The following UBE2R2 variants were observed in gnomAD, a reference collection of about 807,000 sequenced individuals.
UBE2R2 encodes the protein ubiquitin-conjugating enzyme E2 R2.
A neutral mutation model predicts 27.8 loss-of-function variants in UBE2R2; 1 was observed. That is an observed-to-expected ratio of 0.04 (90% confidence interval 0.01 to 0.17). The LOEUF is 0.17. UBE2R2 is among the 10% of genes least tolerant of loss of function. UBE2R2 has a pLI of 1.00. For synonymous variants in UBE2R2, 106 were observed against 113.3 expected, an observed-to-expected ratio of 0.94 and a Z score of 0.41; for missense variants, 100 against 291.0, an observed-to-expected ratio of 0.34 and a Z score of 4.78.
chr9:33,899,971 A>G (rs1420247265), intron 2 of UBE2R2, among the ~76,000 whole-genome samples: 1 of 152,232 alleles, frequency 6.6e-6, no homozygotes, highest in Non-Finnish European at 1.5e-5. Flanking sequence ...CTCACTAGAA[A>G]ATATACCTTG....
chr9:33,869,923 C>T (rs1255197246), intron 1 of UBE2R2, among the ~76,000 whole-genome samples: 6 of 151,460 alleles, frequency 4.0e-5, no homozygotes, highest in South Asian at 2.1e-4. Context: ...CTCGGCTCAC[C>T]GAAACATCCG....
In UBE2R2 at chr9:33,827,931, A is replaced by G. The variant is rs147637144; in HGVS notation, c.177+9997A>G. Among the ~76,000 whole-genome samples the G allele has an allele frequency of 2.5e-3, 379 of 151,818 alleles. 4 individuals are homozygous for G. The highest frequency in any genetic ancestry group is 8.7e-3 in the African/African-American group (363 of 41,486). ...GGTTGCAGTGAGCCCAGATTATGCC[A>G]CTGCAATCCAGCCTGGGCGACATAG... On this transcript the variant is annotated intron_variant, in intron 1 of 4. Transcript: ENST00000263228.
chr9:33,887,826 G>A (rs1199051518), intron 2 of UBE2R2, among the ~76,000 whole-genome samples: 2 of 152,128 alleles, frequency 1.3e-5, no homozygotes, highest in Non-Finnish European at 2.9e-5. Flanking sequence ...ACAGGCATGC[G>A]CCACCATGCC....
At chr9:33,888,087 A>T (rs1021688333) in intron 2 of UBE2R2, among the ~76,000 whole-genome samples, 1 of 152,214 alleles carries the variant, frequency 6.6e-6, no homozygotes, top group Non-Finnish European at 1.5e-5. Context: ...CAGACATTGT[A>T]TGATTTCTAT....
At chr9:33,903,516 T>C (rs1822289819) in intron 3 of UBE2R2, among the ~76,000 whole-genome samples, 1 of 152,228 alleles carries the variant, frequency 6.6e-6, no homozygotes, top group Admixed American at 6.5e-5. Context: ...GGATAATGTA[T>C]TGCCACCACC....
At chr9:33,847,809 A>G (rs7855856) in intron 1 of UBE2R2, among the ~76,000 whole-genome samples, 152 of 144,666 alleles carry the variant, frequency 1.1e-3, no homozygotes, top group African/African-American at 3.8e-3. Context: ...CTGGAGTGCA[A>G]TGACGTGATC....
intron 3 of UBE2R2, among the ~76,000 whole-genome samples, chr9:33,904,581 A>G (rs1023238548): frequency 1.1e-4 from 16 of 152,230 alleles, no homozygotes; most frequent in African/African-American, 3.9e-4. Context: ...TTGAAGAATA[A>G]GGGACTCCAG....
intron 3 of UBE2R2, among the ~76,000 whole-genome samples, chr9:33,908,246 T>C (rs1822406575): frequency 6.6e-6 from 1 of 152,216 alleles, no homozygotes; most frequent in Non-Finnish European, 1.5e-5. Context: ...TCAGCTTTCC[T>C]TATTCTCACA....
intron 2 of UBE2R2, among the ~76,000 whole-genome samples, chr9:33,895,085 T>C (rs1822071476): frequency 6.6e-6 from 1 of 152,256 alleles, no homozygotes; most frequent in Admixed American, 6.5e-5. Context: ...TTATCAGATA[T>C]ATGATTTGCA....
intron 1 of UBE2R2, among the ~76,000 whole-genome samples, chr9:33,854,057 A>G (rs1462521374): frequency 6.6e-6 from 1 of 152,102 alleles, no homozygotes; most frequent in Non-Finnish European, 1.5e-5. Flanking sequence ...TAGTGTTTTG[A>G]CAAAGTTTCT....
rs370934208 is a variant in UBE2R2 at position 33,900,144 on chromosome 9, T to C, written c.265-30T>C. Reference sequence around the variant, plus strand: ...CTTTTTGTACATCACTTTTTGAGTATTTACTGAATGTAATGTTTGTGTCTT... The same window carrying C: ...CTTTTTGTACATCACTTTTTGAGTACTTACTGAATGTAATGTTTGTGTCTT... On this transcript the variant is annotated intron_variant, in intron 2 of 4. Transcript: ENST00000263228. 6.0e-5 allele frequency: 94 copies of C among 1,567,918 alleles called. No individual in the cohort carries two copies. In the African/African-American group the frequency reaches 1.2e-3, roughly 21 times the overall value.
intron 1 of UBE2R2, among the ~76,000 whole-genome samples, chr9:33,827,986 A>G (rs1295074456): frequency 2.6e-4 from 40 of 151,184 alleles, no homozygotes; most frequent in Admixed American, 2.6e-3. Flanking sequence ...AAAAATAAAT[A>G]CAAATAAAAT....
intron 2 of UBE2R2, among the ~76,000 whole-genome samples, chr9:33,897,167 G>T (rs10971771): frequency 6.7e-6 from 1 of 150,258 alleles, no homozygotes. Flanking sequence ...CTCCTGAGTA[G>T]CTGGGACTAC....
intron 1 of UBE2R2, among the ~76,000 whole-genome samples, chr9:33,838,974 C>T (rs1327896908): frequency 2.7e-5 from 4 of 150,926 alleles, no homozygotes; most frequent in Non-Finnish European, 2.9e-5. Flanking sequence ...CCCAGCTACT[C>T]GGGAGGATAA....
chr9:33,820,626 A>G (rs1275599621), intron 1 of UBE2R2, among the ~76,000 whole-genome samples: 1 of 152,218 alleles, frequency 6.6e-6, no homozygotes, highest in Non-Finnish European at 1.5e-5. Flanking sequence ...AGCTTTCCCT[A>G]CCATATCACT....
At chr9:33,911,569 A>G (rs2130821347) in intron 3 of UBE2R2, among the ~76,000 whole-genome samples, 1 of 152,244 alleles carries the variant, frequency 6.6e-6, no homozygotes, top group Non-Finnish European at 1.5e-5. Flanking sequence ...AAAGCTTCTA[A>G]GACATCTGCT....
At position 33,856,914 on chromosome 9, in the gene UBE2R2, T is replaced by C. The variant is rs964361518; in HGVS notation, c.178-29967T>C. ...TTTTTTTTTTTTTTTTTTTTTTTTT[T>C]GAGACAGAGTCTCATTCTGTCACCC... On this transcript the variant is annotated intron_variant, in intron 1 of 4. Coordinates refer to ENST00000263228, the MANE Select transcript of UBE2R2 (RefSeq NM_017811.4). Among the ~76,000 whole-genome samples, 24 of 95,058 alleles carry C rather than the reference T, an allele frequency of 2.5e-4. 1 individual carries two copies. In the South Asian group the frequency reaches 3.1e-3, roughly 12 times the overall value. The allele number at this position is 95,058 out of a possible 152,430, so 62.4% of individuals were successfully genotyped here. A position where few individuals can be genotyped will look rare whatever the true frequency, so the allele number is the denominator to read the frequency against.
intron 2 of UBE2R2, among the ~76,000 whole-genome samples, chr9:33,890,797 AAGACTCTGTCTTGC>A (rs1001182816): frequency 1.3e-5 from 2 of 152,072 alleles, no homozygotes; most frequent in African/African-American, 4.8e-5. Context: ...GCGACAGAGC[AAGACTCTGTCTTGC>A]AGGGACGGGG....
chr9:33,882,284 A>G (rs1184263435), intron 1 of UBE2R2, among the ~76,000 whole-genome samples: 1 of 151,876 alleles, frequency 6.6e-6, no homozygotes, highest in Non-Finnish European at 1.5e-5. Flanking sequence ...ATGATATTTT[A>G]TATTATTTTA....
Sources: gnomAD v4.1 joint callset for allele counts (sites outside exome capture counted in the v4.1 genomes callset) on GRCh38, gnomAD v4.1.1 for gene constraint, MANE v1.5 for transcripts, NCBI Gene and HGNC (gene_info 2026-07-23, HGNC 2026-07-21) for gene names.